KCNG2: variants seen among roughly 807,000 people sequenced by gnomAD.
KCNG2 encodes the protein potassium voltage-gated channel modifier subfamily G member 2.
In KCNG2, 7 loss-of-function variants were observed where a neutral mutation model predicts 12.3. The ratio of observed to expected loss-of-function variants is 0.57; its 90% confidence interval spans 0.32 to 1.07. The LOEUF (loss-of-function observed/expected upper bound fraction) is 1.07, where lower values mean the gene tolerates loss of function less well. KCNG2 is among the 50% of genes least tolerant of loss of function. The pLI, the probability that KCNG2 is intolerant of heterozygous loss-of-function variation, is 0.04. For synonymous variants in KCNG2, 414 were observed against 351.4 expected (o/e 1.18, Z -1.99); for missense variants, 703 against 726.0 (o/e 0.97, Z 0.36).
intron 1 of KCNG2, among the ~76,000 whole-genome samples, chr18:79,853,799 G>A (rs905423584): frequency 2.4e-4 from 37 of 152,250 alleles, no homozygotes; most frequent in African/African-American, 8.0e-4. Context: ...ATGGCCCCGC[G>A]CCGGGGACAG....
intron 3 of KCNG2, among the ~76,000 whole-genome samples, chr18:79,882,592 G>A (rs1980340527): frequency 6.6e-6 from 1 of 152,246 alleles, no homozygotes; most frequent in Admixed American, 6.5e-5. Context: ...TGTTATTAGG[G>A]AAATACAGAG....
At chr18:79,828,180 C>T (rs1425925197) in intron 1 of KCNG2, among the ~76,000 whole-genome samples, 2 of 152,236 alleles carry the variant, frequency 1.3e-5, no homozygotes, top group East Asian at 1.9e-4. Flanking sequence ...CCACCTCGGC[C>T]TCCCAAAGTA....
At chr18:79,849,333 C>T (rs1027523974) in intron 1 of KCNG2, among the ~76,000 whole-genome samples, 4 of 151,462 alleles carry the variant, frequency 2.6e-5, no homozygotes, top group African/African-American at 9.8e-5. Flanking sequence ...AAACAAATCA[C>T]ACACAACCCG....
In KCNG2 at chr18:79,865,834, GTAT is replaced by G. The variant is rs1568262257; in HGVS notation, c.624+1544_624+1546del. On this transcript the variant is annotated intron_variant, in intron 3 of 3. Coordinates refer to ENST00000316249, the MANE Select transcript of KCNG2 (RefSeq NM_012283.2). ...GAGAGGTCTGGGTGCTGAGAGGTCT[GTAT>G]GCTGAGAGGACTGTGTGCTGAGAGG... Among the ~76,000 whole-genome samples the G allele has an allele frequency of 4.8e-5, 6 of 124,236 alleles. 1 individual carries two copies. Among genetic ancestry groups the G allele is most frequent in the Non-Finnish European group, 3.7e-5 (2 of 54,104 alleles). The allele number at this position is 124,236 out of a possible 152,430, so 81.5% of individuals were successfully genotyped here.
rs1978290753 is a variant in KCNG2, at chr18:79,829,755, G to T, written c.-114-26624G>T. 3.3e-5 allele frequency among the ~76,000 whole-genome samples: 5 copies of T among 152,196 alleles called. No individual in the cohort carries two copies. In the South Asian group the frequency reaches 1.0e-3, roughly 31 times the overall value. On this transcript the variant is annotated intron_variant, in intron 1 of 3. Coordinates refer to ENST00000316249, the MANE Select transcript of KCNG2 (RefSeq NM_012283.2). Reference sequence around the variant, plus strand: ...GGCTCAGGGCCTGTGTGGAAAGCTGGTGCCGGGGCAGCTCACACCCAGGGC... The same window carrying T: ...GGCTCAGGGCCTGTGTGGAAAGCTGTTGCCGGGGCAGCTCACACCCAGGGC...
At chr18:79,866,711 AGTCTGTGTGCTGAGAG>A (rs1979581769) in intron 3 of KCNG2, among the ~76,000 whole-genome samples, 3 of 38,012 alleles carry the variant, frequency 7.9e-5, no homozygotes, top group African/African-American at 2.9e-4. Flanking sequence ...GGTGCTGAGA[AGTCTGTGTGCTGAGAG>A]GTCTGGGTAC....
At chr18:79,867,457 G>C (rs1478870690) in intron 3 of KCNG2, among the ~76,000 whole-genome samples, 4,133 of 110,858 alleles carry the variant, frequency 0.037, 270 homozygotes, top group African/African-American at 0.12. Flanking sequence ...GTGTCTTGGG[G>C]GGGGGACCGT....
intron 3 of KCNG2, among the ~76,000 whole-genome samples, chr18:79,881,232 T>C (rs547851718): frequency 3.3e-5 from 5 of 151,972 alleles, no homozygotes; most frequent in Non-Finnish European, 7.4e-5. Flanking sequence ...CACCATATGA[T>C]TGGAAAGCAA....
intron 3 of KCNG2, among the ~76,000 whole-genome samples, chr18:79,888,218 C>T (rs1864528): frequency 0.14 from 20,715 of 152,210 alleles, 1,665 homozygotes; most frequent in East Asian, 0.37. Context: ...GTCCCGTCCA[C>T]GCGGTGGGGA....
intron 1 of KCNG2, among the ~76,000 whole-genome samples, chr18:79,842,582 T>C (rs1456351340): frequency 6.6e-6 from 1 of 152,136 alleles, no homozygotes; most frequent in Non-Finnish European, 1.5e-5. Context: ...CTCAGTGAGC[T>C]ACAAGAGAAC....
chr18:79,833,740 G>T (rs1297943082), intron 1 of KCNG2, among the ~76,000 whole-genome samples: 2 of 152,250 alleles, frequency 1.3e-5, no homozygotes, highest in African/African-American at 4.8e-5. Flanking sequence ...ATTAGGTGGT[G>T]CCCAGTGTGG....
At chr18:79,798,213 G>C (rs1277909971) in intron 1 of KCNG2, among the ~76,000 whole-genome samples, 199 bp downstream of exon 1, 1 of 151,512 alleles carries the variant, frequency 6.6e-6, no homozygotes, top group Non-Finnish European at 1.5e-5. Context: ...CAAGGGGGCG[G>C]GGGCGGCTCG....
At chr18:79,857,203 A>C (rs904507213) in intron 2 of KCNG2, among the ~76,000 whole-genome samples, 2 of 146,470 alleles carry the variant, frequency 1.4e-5, no homozygotes, top group Non-Finnish European at 3.0e-5. Context: ...CACTGAGTGA[A>C]CCTTGGGGCA....
chr18:79,880,316 CAAAAAA>C (rs59558361), intron 3 of KCNG2, among the ~76,000 whole-genome samples: 7 of 101,416 alleles, frequency 6.9e-5, no homozygotes, highest in African/African-American at 1.6e-4. Context: ...GACTCTGTCT[CAAAAAA>C]AAAAAAAAAA....
At chr18:79,798,127 C>G (rs2087376818) in intron 1 of KCNG2, among the ~76,000 whole-genome samples, 113 bp downstream of exon 1, 1 of 151,100 alleles carries the variant, frequency 6.6e-6, no homozygotes, top group African/African-American at 2.4e-5. Context: ...GTTCCGCGCG[C>G]AGCTTCTTCT....
At chr18:79,820,183 C>T (rs988397345) in intron 1 of KCNG2, among the ~76,000 whole-genome samples, 3 of 152,230 alleles carry the variant, frequency 2.0e-5, no homozygotes, top group East Asian at 1.9e-4. Flanking sequence ...CTGCTCTGAA[C>T]GTCGGCGCTT....
intron 1 of KCNG2, among the ~76,000 whole-genome samples, chr18:79,851,648 AGTGAATGTGT>A (rs1440055422): frequency 6.6e-6 from 1 of 151,690 alleles, no homozygotes; most frequent in Non-Finnish European, 1.5e-5. Context: ...TGCAAGTGTG[AGTGAATGTGT>A]GTGAATGTGT....
At chr18:79,815,957 G>C (rs2087525004) in intron 1 of KCNG2, 2 of 152,264 alleles carry the variant, frequency 1.3e-5, no homozygotes, top group African/African-American at 4.8e-5. Flanking sequence ...GAGAGGGAAA[G>C]ACGTCCTGCA....
At chr18:79,858,985 G>A (rs577995561) in intron 2 of KCNG2, among the ~76,000 whole-genome samples, 1 of 152,108 alleles carries the variant, frequency 6.6e-6, no homozygotes, top group African/African-American at 2.4e-5. Context: ...TATCAGATAC[G>A]GGACTTGCAG....
Sources: allele counts gnomAD v4.1 joint callset (sites outside exome capture counted in the v4.1 genomes callset), GRCh38; gene constraint gnomAD v4.1.1; transcripts MANE v1.5; gene names NCBI Gene and HGNC (gene_info 2026-07-23, HGNC 2026-07-21).